Variants in PRKAR1B observed in about 807,000 individuals in gnomAD.
PRKAR1B encodes protein kinase cAMP-dependent type I regulatory subunit beta.
Under a neutral mutation model 46.5 loss-of-function variants are expected in PRKAR1B, and 22 were observed. The observed-to-expected ratio is 0.47, with a 90% CI of 0.34 to 0.68. PRKAR1B has a LOEUF of 0.68. PRKAR1B is among the 30% of genes least tolerant of loss of function. The probability of loss-of-function intolerance (pLI) is 0.01; values close to 1 mark genes in which losing one functional copy is unlikely to be tolerated. For synonymous variants in PRKAR1B, 259 were observed against 217.7 expected (o/e 1.19, Z -1.67); for missense variants, 445 against 535.6 (o/e 0.83, Z 1.67).
chr7:587,015 C>T (rs1025131060), intron 7 of PRKAR1B, among the ~76,000 whole-genome samples: 1 of 151,992 alleles, frequency 6.6e-6, no homozygotes, highest in Non-Finnish European at 1.5e-5. Flanking sequence ...TCCGGAGTAG[C>T]TGGGACTACA....
chr7:727,163 TG>T, intron 1 of PRKAR1B, 46 bp downstream of exon 1: 1 of 1,303,892 alleles, frequency 7.7e-7, no homozygotes, highest in East Asian at 3.6e-5. Flanking sequence ...CTTGTGCAGC[TG>T]CTGGGCCTGG....
In PRKAR1B at chr7:717,608, T is replaced by C. The variant is rs1583459079; in HGVS notation, c.-22-6081A>G. Among the ~76,000 whole-genome samples, 2 of 150,656 alleles carry C rather than the reference T, an allele frequency of 1.3e-5. 1 individual carries two copies. Among genetic ancestry groups the C allele is most frequent in the South Asian group, 4.2e-4 (2 of 4,740 alleles). ...AAGAGTTCGAGGCTGCAGTGAGCTA[T>C]GATTGCGCCACTGCACTCCAGCCTG... On this transcript the variant is annotated intron_variant, in intron 1 of 10. Transcript: ENST00000537384.
intron 4 of PRKAR1B, among the ~76,000 whole-genome samples, chr7:656,593 T>TGGG (rs140366187): frequency 0.15 from 22,594 of 151,586 alleles, 1,746 homozygotes; most frequent in South Asian, 0.29. Flanking sequence ...AATGGATAAA[T>TGGG]GGAACAAAGG....
At chr7:556,039 T>G (rs1286283239) in intron 9 of PRKAR1B, among the ~76,000 whole-genome samples, 1 of 152,064 alleles carries the variant, frequency 6.6e-6, no homozygotes, top group Non-Finnish European at 1.5e-5. Context: ...CCTGTCTCCC[T>G]CTTGCATATG....
intron 7 of PRKAR1B, 96 bp downstream of exon 7, chr7:596,050 T>C: frequency 2.7e-6 from 4 of 1,475,124 alleles, no homozygotes; most frequent in Non-Finnish European, 3.7e-6. Context: ...GTGTCTTTTC[T>C]CCAGGTGCAT....
intron 5 of PRKAR1B, among the ~76,000 whole-genome samples, chr7:606,934 G>A (rs952984820): frequency 1.6e-4 from 24 of 152,012 alleles, no homozygotes; most frequent in African/African-American, 5.3e-4. Flanking sequence ...ACATATGTGT[G>A]CACATATACG....
intron 1 of PRKAR1B, chr7:712,380 C>G (rs4072811): frequency 0.33 from 48,720 of 149,012 alleles, 8,197 homozygotes; most frequent in South Asian, 0.48. Flanking sequence ...AGGCCCGGGG[C>G]TCCCGGCGCA....
At chr7:631,030 G>A (rs899619866) in intron 4 of PRKAR1B, among the ~76,000 whole-genome samples, 1 of 150,500 alleles carries the variant, frequency 6.6e-6, no homozygotes, top group Non-Finnish European at 1.5e-5. Flanking sequence ...TTGGCTCACT[G>A]CAACCTCCAC....
intron 4 of PRKAR1B, among the ~76,000 whole-genome samples, chr7:642,485 G>C (rs1476141771): frequency 1.1e-4 from 17 of 152,118 alleles, no homozygotes; most frequent in African/African-American, 3.9e-4. Context: ...CAGCACTTTG[G>C]GGGGCCGAGG....
chr7:662,198 T>A (rs1583379219), intron 4 of PRKAR1B, among the ~76,000 whole-genome samples: 1 of 59,922 alleles, frequency 1.7e-5, no homozygotes, highest in Admixed American at 1.8e-4. Context: ...CTCCCCCCCA[T>A]GGCACAGGTC....
At chr7:704,053 A>AAT (rs1174382854) in intron 2 of PRKAR1B, among the ~76,000 whole-genome samples, 16 of 152,208 alleles carry the variant, frequency 1.1e-4, no homozygotes, top group Admixed American at 1.0e-3. Flanking sequence ...AAATCTGTGA[A>AAT]ATATAGTTAG....
chr7:695,762 C>G (rs970974474), intron 2 of PRKAR1B, among the ~76,000 whole-genome samples: 114 of 151,980 alleles, frequency 7.5e-4, no homozygotes, highest in African/African-American at 2.7e-3. Context: ...CTCCCGGGTT[C>G]ATGCCATTCT....
chr7:725,094 G>C (rs1369313210), intron 1 of PRKAR1B, among the ~76,000 whole-genome samples: 1 of 151,880 alleles, frequency 6.6e-6, no homozygotes, highest in Non-Finnish European at 1.5e-5. Context: ...GGCACCTGCA[G>C]TCCCAGCTAC....
chr7:673,598 G>A (rs1028493830), intron 4 of PRKAR1B, among the ~76,000 whole-genome samples: 5 of 150,802 alleles, frequency 3.3e-5, no homozygotes, highest in East Asian at 3.9e-4. Context: ...GCAGTGAGCC[G>A]AGATCGCCCC....
intron 9 of PRKAR1B, among the ~76,000 whole-genome samples, chr7:552,651 C>CAG (rs1554280977): frequency 1.3e-5 from 2 of 152,048 alleles, no homozygotes; most frequent in Admixed American, 6.5e-5. Context: ...TGTTCAGACA[C>CAG]ACAGCTCCTC....
intron 2 of PRKAR1B, among the ~76,000 whole-genome samples, chr7:694,002 CGGCCGG>C (rs1779589138): frequency 6.6e-6 from 1 of 152,154 alleles, no homozygotes; most frequent in South Asian, 2.1e-4. Context: ...GACCTGGACT[CGGCCGG>C]GCGTGGTGGC....
intron 4 of PRKAR1B, among the ~76,000 whole-genome samples, chr7:670,133 G>A (rs1156720538): frequency 4.6e-5 from 7 of 151,968 alleles, no homozygotes; most frequent in African/African-American, 1.7e-4. Flanking sequence ...CTCCCAAAGT[G>A]CTGGAATTAT....
intron 2 of PRKAR1B, chr7:691,529 C>A (rs755600149): frequency 3.8e-6 from 5 of 1,304,510 alleles, no homozygotes; most frequent in Non-Finnish European, 5.1e-6. Context: ...AAGAGGAGAG[C>A]TGGGCATTAC....
At chr7:618,202 G>A (rs1027133317) in intron 4 of PRKAR1B, among the ~76,000 whole-genome samples, 1 of 152,338 alleles carries the variant, frequency 6.6e-6, no homozygotes, top group African/African-American at 2.4e-5. Flanking sequence ...ACTGGGTCCT[G>A]CTGGGGCCAC....
Sources: gnomAD v4.1 joint callset for allele counts (sites outside exome capture counted in the v4.1 genomes callset) on GRCh38, gnomAD v4.1.1 for gene constraint, MANE v1.5 for transcripts, NCBI Gene and HGNC (gene_info 2026-07-23, HGNC 2026-07-21) for gene names.